AMZ1: variants seen among roughly 807,000 people sequenced by gnomAD.
AMZ1 encodes the protein archaelysin family metallopeptidase 1, also known as archaemetzincin-1.
AMZ1 carries 39 observed loss-of-function variants against 29.9 expected under a neutral mutation model. That is an observed-to-expected ratio of 1.30 (90% CI 1.01 to 1.70). AMZ1 has a LOEUF of 1.70. Ranked by LOEUF, AMZ1 falls within the 40% of genes most tolerant of loss-of-function variation. The probability of loss-of-function intolerance (pLI) is 0.00; values close to 1 mark genes in which losing one functional copy is unlikely to be tolerated. For missense variants in AMZ1, 1,041 were observed against 680.6 expected, an observed-to-expected ratio of 1.53 and a Z score of -5.89; for synonymous variants, 458 against 304.0, an observed-to-expected ratio of 1.51 and a Z score of -5.27.
At chr7:2,712,250 G>A (rs1188896193) in intron 6 of AMZ1, 80 bp from the exon 7 acceptor site, 15 of 1,428,500 alleles carry the variant, frequency 1.1e-5, no homozygotes, top group Non-Finnish European at 1.4e-5. Flanking sequence ...GGTCCCCTTA[G>A]GTAAGGAGGT....
chr7:2,717,402 G>A lies in AMZ1; in HGVS notation c.*4524G>A, dbSNP rs1204189416. The stretch of plus-strand genomic sequence containing the variant: ...CTTTGCAGCTCCAGTAAGAGTGAGA[G>A]ACTCACGGGGGCCTGGCTGCCGTCC... On this transcript the variant is annotated 3_prime_UTR_variant, in exon 7 of 7. Transcript: ENST00000683327. 2.0e-5 allele frequency among the ~76,000 whole-genome samples: 3 copies of A among 152,226 alleles called. No individual in the cohort carries two copies. The highest frequency in any genetic ancestry group is 4.4e-5 in the Non-Finnish European group (3 of 68,042).
At chr7:2,680,461 G>C (rs1786842760) in intron 1 of AMZ1, among the ~76,000 whole-genome samples, 1 of 152,176 alleles carries the variant, frequency 6.6e-6, no homozygotes, top group Non-Finnish European at 1.5e-5. Flanking sequence ...CAGCCGCCCT[G>C]GGCCGCGAAG....
intron 1 of AMZ1, among the ~76,000 whole-genome samples, chr7:2,691,125 CAG>C (rs1273359275): frequency 1.1e-5 from 1 of 87,486 alleles, no homozygotes; most frequent in Non-Finnish European, 2.0e-5. Flanking sequence ...GCCTGGGTGA[CAG>C]AGGCAAAAAA....
chr7:2,707,289 CAAA>C (rs763870340), intron 3 of AMZ1, among the ~76,000 whole-genome samples: 1 of 145,948 alleles, frequency 6.9e-6, no homozygotes, highest in Non-Finnish European at 1.5e-5. Context: ...AAAAAAAAAA[CAAA>C]AAAACACACA....
intron 1 of AMZ1, among the ~76,000 whole-genome samples, chr7:2,680,475 C>A (rs1786843651): frequency 1.3e-5 from 2 of 152,188 alleles, no homozygotes; most frequent in Admixed American, 1.3e-4. Context: ...CGCGAAGCCT[C>A]AAGAGGGAGC....
At chr7:2,756,591 A>C (rs528870617) in intron 4 of AMZ1, among the ~76,000 whole-genome samples, 1 of 150,598 alleles carries the variant, frequency 6.6e-6, no homozygotes, top group South Asian at 2.1e-4. Context: ...CTACAGCCTG[A>C]GTGAGACCCT....
intron 1 of AMZ1, among the ~76,000 whole-genome samples, chr7:2,680,295 C>T (rs1436995055): frequency 1.3e-5 from 2 of 152,212 alleles, no homozygotes; most frequent in Admixed American, 6.5e-5. Flanking sequence ...AACAGGCACT[C>T]GGCTCTCTGG....
intron 4 of AMZ1, among the ~76,000 whole-genome samples, chr7:2,748,172 A>G (rs1249984920): frequency 2.7e-5 from 4 of 150,816 alleles, no homozygotes; most frequent in Non-Finnish European, 5.9e-5. Flanking sequence ...TAAAGTTCAT[A>G]TGGAACCAAA....
At position 2,712,714 on chromosome 7, in the gene AMZ1, G is replaced by A. The variant is rs781067066; in HGVS notation, c.1333G>A (p.Gly445Ser). The A allele has an allele frequency of 9.3e-6, 15 of 1,610,278 alleles. No individual in the cohort carries two copies. The highest frequency in any genetic ancestry group is 2.2e-5 in the East Asian group (1 of 44,830). ...CCTCGACCGCTGGGAGATGTTCACG[G>A]GCCAGCTCCCGGCCACCAGGCAGGA... ...DALDRWEMFT[G>S]QLPATRQDPP... The change falls in exon 7 of 7, where the codon GGC becomes AGC. Residue 445 changes from glycine to serine, a missense_variant. Transcript: ENST00000683327.
chr7:2,749,100 T>TG (rs1562403680), intron 4 of AMZ1, among the ~76,000 whole-genome samples: 2 of 152,212 alleles, frequency 1.3e-5, no homozygotes, highest in Non-Finnish European at 2.9e-5. Flanking sequence ...GAAGTCAGTG[T>TG]GGCGATTCCT....
intron 4 of AMZ1, among the ~76,000 whole-genome samples, chr7:2,743,762 C>A (rs1438737288): frequency 6.6e-6 from 1 of 152,178 alleles, no homozygotes; most frequent in Non-Finnish European, 1.5e-5. Context: ...TCAGGGAATT[C>A]CCTTTCCTAC....
At chr7:2,684,337 C>T (rs535868832), upstream of AMZ1, among the ~76,000 whole-genome samples, 26 of 152,316 alleles carry the variant, frequency 1.7e-4, no homozygotes, top group South Asian at 1.0e-3. Flanking sequence ...ATATCTGCAA[C>T]GACTCGGTTT....
chr7:2,699,956 C>A (rs1285700709), intron 1 of AMZ1, among the ~76,000 whole-genome samples: 1 of 152,142 alleles, frequency 6.6e-6, no homozygotes, highest in African/African-American at 2.4e-5. Flanking sequence ...CTTCCCCATA[C>A]CCAGTTCTGG....
Position 2,737,457 on chromosome 7 carries a change from T to G in AMZ1, n.551-27255T>G, listed in dbSNP as rs950493723. Among the ~76,000 whole-genome samples the G allele has an allele frequency of 2.6e-5, 4 of 151,916 alleles. No individual in the cohort carries two copies. The South Asian group carries it at 6.2e-4, about 24-fold the overall frequency. The stretch of plus-strand genomic sequence containing the variant: ...GCGTGCACTACCACACCCGGCTAAC[T>G]TTTGTATTTTTAGTAGAGACGGGGT... On this transcript the variant is annotated intron_variant and non_coding_transcript_variant, in intron 4 of 4. Transcript: ENST00000489665.
In AMZ1 at chr7:2,717,436, G is replaced by GC. The variant is rs1789196113; in HGVS notation, c.*4562dup. ...GGGCCTGGCTGCCGTCCTGGGAGAG[G>GC]CCCCGGGAACCGGCTCGCCCTGTAC... On this transcript the variant is annotated 3_prime_UTR_variant, in exon 7 of 7. Coordinates refer to ENST00000683327, the MANE Select transcript of AMZ1 (RefSeq NM_001384743.1). Among the ~76,000 whole-genome samples the GC allele has an allele frequency of 2.0e-5, 3 of 152,170 alleles. No homozygotes were observed. Among genetic ancestry groups the GC allele is most frequent in the Admixed American group, 2.0e-4 (3 of 15,286 alleles).
chr7:2,692,363 C>T (rs1406247858), intron 1 of AMZ1, among the ~76,000 whole-genome samples: 1 of 152,044 alleles, frequency 6.6e-6, no homozygotes, highest in Non-Finnish European at 1.5e-5. Flanking sequence ...ACACGTGAAA[C>T]CCCATCTCTA....
chr7:2,708,749 G>T, intron 4 of AMZ1, 33 bp downstream of exon 4: 3 of 1,610,868 alleles, frequency 1.9e-6, no homozygotes, highest in South Asian at 1.1e-5. Context: ...GTGCGTGGGG[G>T]GTAGCCTGGC....
chr7:2,708,983 A>C (rs1322970403), intron 4 of AMZ1, 92 bp from the exon 5 acceptor site: 6 of 1,436,120 alleles, frequency 4.2e-6, no homozygotes, highest in Non-Finnish European at 5.6e-6. Flanking sequence ...GGCCATGGCC[A>C]GCTTGCATGA....
intron 6 of AMZ1, among the ~76,000 whole-genome samples, chr7:2,711,930 C>T (rs1788805435): frequency 1.3e-5 from 2 of 152,072 alleles, no homozygotes; most frequent in Non-Finnish European, 2.9e-5. Flanking sequence ...CTGTAAAATC[C>T]CTGCTACTCA....
Sources: gnomAD v4.1 joint callset for allele counts (sites outside exome capture counted in the v4.1 genomes callset) on GRCh38, gnomAD v4.1.1 for gene constraint, MANE v1.5 for transcripts, NCBI Gene and HGNC (gene_info 2026-07-23, HGNC 2026-07-21) for gene names.